Variants in LCA5L observed in about 807,000 individuals in gnomAD.
LCA5L encodes lebercilin-like protein.
In LCA5L, 35 loss-of-function variants were observed where a neutral mutation model predicts 45.4. That is an observed-to-expected ratio of 0.77 (90% confidence interval 0.59 to 1.02). The LOEUF is 1.02. Among genes scored for constraint, LCA5L ranks in the 50% least tolerant of loss-of-function variants. The pLI, the probability that LCA5L is intolerant of heterozygous loss-of-function variation, is 0.00. For missense variants in LCA5L, 668 were observed against 761.6 expected, an observed-to-expected ratio of 0.88 and a Z score of 1.45; for synonymous variants, 233 against 264.7, an observed-to-expected ratio of 0.88 and a Z score of 1.16.
At chr21:39,419,000 T>A (rs2041801576) in intron 7 of LCA5L, among the ~76,000 whole-genome samples, 5 of 152,268 alleles carry the variant, frequency 3.3e-5, no homozygotes, top group Admixed American at 3.3e-4. Flanking sequence ...CTTTTTGAAG[T>A]TTCCTGGAAC....
chr21:39,422,879 A>C, intron 6 of LCA5L, 97 bp downstream of exon 6: 1 of 1,098,842 alleles, frequency 9.1e-7, no homozygotes, highest in Non-Finnish European at 1.3e-6. Flanking sequence ...AGCAGTTAGT[A>C]ATGCTTTGTT....
intron 2 of LCA5L, among the ~76,000 whole-genome samples, chr21:39,436,655 T>A (rs2076318363): frequency 6.6e-6 from 1 of 152,088 alleles, no homozygotes; most frequent in Admixed American, 6.5e-5. Flanking sequence ...CTAATTTTTT[T>A]ATTTTTGCAG....
At chr21:39,426,917 G>A (rs2074811424) in intron 5 of LCA5L, among the ~76,000 whole-genome samples, 1 of 152,112 alleles carries the variant, frequency 6.6e-6, no homozygotes, top group South Asian at 2.1e-4. Context: ...AAAGGTACAG[G>A]GCCGTCTAGA....
chr21:39,422,454 G>A (rs1418783831), intron 6 of LCA5L: 1 of 154,402 alleles, frequency 6.5e-6, no homozygotes, highest in East Asian at 1.9e-4. Flanking sequence ...CTACTACCCA[G>A]GAACATTATC....
Position 39,409,860 on chromosome 21 carries a change from C to A in LCA5L, c.1282+119G>T. The stretch of plus-strand genomic sequence containing the variant: ...CTGCCTGCCTTGGCCTCCCAAAGTG[C>A]TGGGATTACAGGTGCGAGCTGCCAT... On this transcript the variant is annotated intron_variant, in intron 10 of 10. Coordinates refer to ENST00000288350, the MANE Select transcript of LCA5L (RefSeq NM_152505.4). This position sits in a 1 kb window ranked among gnomAD's most constrained non-coding sequence, Gnocchi z 4.2. 1 of 618,882 alleles carries A rather than the reference C, an allele frequency of 1.6e-6. No individual in the cohort carries two copies. Among genetic ancestry groups the A allele is most frequent in the South Asian group, 2.1e-5 (1 of 48,656 alleles). The allele number at this position is 618,882 out of a possible 1,614,324, so 38.3% of individuals were successfully genotyped here. A position where few individuals can be genotyped will look rare whatever the true frequency, so the allele number is the denominator to read the frequency against.
chr21:39,424,867 AG>A (rs1420134721), intron 5 of LCA5L, among the ~76,000 whole-genome samples: 2 of 152,228 alleles, frequency 1.3e-5, no homozygotes. Flanking sequence ...ATTGAATTTG[AG>A]TATGTTAAAT....
intron 2 of LCA5L, among the ~76,000 whole-genome samples, chr21:39,441,645 G>A (rs1265410707): frequency 6.6e-6 from 1 of 152,070 alleles, no homozygotes; most frequent in East Asian, 1.9e-4. Flanking sequence ...TTCACTACCC[G>A]ACTGACACCC....
intron 2 of LCA5L, among the ~76,000 whole-genome samples, chr21:39,439,443 C>A (rs78535576): frequency 2.3e-3 from 350 of 152,230 alleles, no homozygotes; most frequent in African/African-American, 7.8e-3. Flanking sequence ...AATACAGGTA[C>A]CTTGAAAAAC....
At chr21:39,434,334 TTGAC>T (rs1341895625) in intron 3 of LCA5L, among the ~76,000 whole-genome samples, 1 of 152,204 alleles carries the variant, frequency 6.6e-6, no homozygotes, top group Non-Finnish European at 1.5e-5. Context: ...CTGTTAAAAA[TTGAC>T]TGATGACTAG....
In LCA5L at chr21:39,435,556, G is replaced by A. The variant is rs1400008702; in HGVS notation, c.-228C>T. On this transcript the variant is annotated 5_prime_UTR_variant, in exon 3 of 11. Coordinates refer to ENST00000288350, the MANE Select transcript of LCA5L (RefSeq NM_152505.4). Reference sequence around the variant, plus strand: ...AGGTTTTGGTCTCTTTTTAAAGAAAGAATATATTTTAAAAAACCTAAAATG... The same window carrying A: ...AGGTTTTGGTCTCTTTTTAAAGAAAAAATATATTTTAAAAAACCTAAAATG... 6.6e-6 allele frequency: 1 copy of A among 151,988 alleles called. No individual in the cohort carries two copies. The highest frequency in any genetic ancestry group is 2.4e-5 in the African/African-American group (1 of 41,380). The allele number at this position is 151,988 out of a possible 1,614,324, so 9.4% of individuals were successfully genotyped here.
At chr21:39,443,685 T>C (rs1283998635) in intron 2 of LCA5L, 2 of 152,204 alleles carry the variant, frequency 1.3e-5, no homozygotes, top group Non-Finnish European at 2.9e-5. Flanking sequence ...CTTTGGTTAA[T>C]TGGGGTTTTA....
At chr21:39,406,679 G>A in intron 10 of LCA5L, 67 bp from the exon 11 acceptor site, 9 of 1,266,624 alleles carry the variant, frequency 7.1e-6, no homozygotes, top group Non-Finnish European at 8.8e-6. Flanking sequence ...AAGATGGCAT[G>A]TCTAGTACAC....
chr21:39,410,024 C>T lies in LCA5L; in HGVS notation c.1237G>A (p.Val413Met). ...TEINHEIPHC[V>M]NKLPKQEDSK... ...TCCTCTTGCTTTGGTAGTTTATTCA[C>T]ACAGTGAGGAATTTCATGATTTATT... Residue 413 changes from valine (V) to methionine (M), a missense_variant, in exon 10 of 11, where the codon GTG becomes ATG. Val to Met is a conservative substitution (Grantham distance 21). Coordinates refer to ENST00000288350, the MANE Select transcript of LCA5L (RefSeq NM_152505.4). 6.2e-7 allele frequency: 1 copy of T among 1,607,870 alleles called. No homozygotes were observed. The highest frequency in any genetic ancestry group is 8.5e-7 in the Non-Finnish European group (1 of 1,174,928).
intron 8 of LCA5L, 99 bp from the exon 9 acceptor site, chr21:39,410,466 G>A: frequency 3.3e-6 from 2 of 611,660 alleles, no homozygotes; most frequent in South Asian, 4.6e-5. Flanking sequence ...TAATAATAAA[G>A]TATACTAAGT....
At chr21:39,428,042 TCACCTATAATA>T (rs1272511212) in intron 5 of LCA5L, 119 bp downstream of exon 5, 5 of 616,566 alleles carry the variant, frequency 8.1e-6, no homozygotes, top group Non-Finnish European at 1.5e-5. Flanking sequence ...CTATAAAAGT[TCACCTATAATA>T]CACATTTACA....
intron 8 of LCA5L, 82 bp from the exon 9 acceptor site, chr21:39,410,449 T>C (rs867620126): frequency 1.7e-5 from 12 of 711,192 alleles, no homozygotes; most frequent in Admixed American, 2.7e-5. Flanking sequence ...ATAACTTTTA[T>C]GCAATGTAAT....
chr21:39,407,988 C>T (rs1047216467), intron 10 of LCA5L: 1 of 152,202 alleles, frequency 6.6e-6, no homozygotes, highest in Non-Finnish European at 1.5e-5. Context: ...GCCCTTGGGC[C>T]TCTACTGAAG....
intron 5 of LCA5L, among the ~76,000 whole-genome samples, chr21:39,423,890 C>T (rs1182018481): frequency 1.3e-5 from 2 of 152,264 alleles, no homozygotes; most frequent in East Asian, 3.9e-4. Flanking sequence ...TGCAGTGGCT[C>T]ATGTCTGTAA....
At chr21:39,407,289 A>AT (rs1336274945) in intron 10 of LCA5L, among the ~76,000 whole-genome samples, 2 of 152,102 alleles carry the variant, frequency 1.3e-5, no homozygotes, top group African/African-American at 2.4e-5. Flanking sequence ...CAATGAGAAC[A>AT]TTTTTCATCC....
Sources: allele counts gnomAD v4.1 joint callset (sites outside exome capture counted in the v4.1 genomes callset), GRCh38; gene constraint gnomAD v4.1.1; non-coding constraint Gnocchi (gnomAD v3.1); transcripts MANE v1.5; gene names NCBI Gene and HGNC (gene_info 2026-07-23, HGNC 2026-07-21).